MTCL1: variants seen among roughly 807,000 people sequenced by gnomAD.
MTCL1 encodes the protein microtubule crosslinking factor 1.
A neutral mutation model predicts 141.4 loss-of-function variants in MTCL1; 79 were observed. The ratio of observed to expected loss-of-function variants is 0.56; its 90% CI spans 0.47 to 0.67. The LOEUF (loss-of-function observed/expected upper bound fraction) is 0.67. Among genes scored for constraint, MTCL1 ranks in the 30% least tolerant of loss-of-function variants. The pLI is 0.00. For synonymous variants in MTCL1, 914 were observed against 875.8 expected, an observed-to-expected ratio of 1.04 and a Z score of -0.77; for missense variants, 2,177 against 2,113.9, an observed-to-expected ratio of 1.03 and a Z score of -0.59.
At chr18:8,736,052 CCTT>C (rs1316183832) in intron 4 of MTCL1, among the ~76,000 whole-genome samples, 1 of 152,076 alleles carries the variant, frequency 6.6e-6, no homozygotes, top group African/African-American at 2.4e-5. Flanking sequence ...ATAATTAAGT[CCTT>C]CTCCTCACTT....
chr18:8,735,540 G>C (rs536158143), intron 4 of MTCL1, among the ~76,000 whole-genome samples: 1 of 152,238 alleles, frequency 6.6e-6, no homozygotes, highest in South Asian at 2.1e-4. Context: ...GCTGCTCTAG[G>C]GGTGGTAGAA....
rs142017192 is a variant in MTCL1 at position 8,786,573 on chromosome 18, C to G, written c.1887+482C>G. 4.7e-3 allele frequency: 1,677 copies of G among 357,636 alleles called. 13 individuals carry two copies. Among genetic ancestry groups the G allele is most frequent in the South Asian group, 0.015 (710 of 47,762 alleles). 22.2% of individuals were successfully genotyped at this position (357,636 alleles called of 1,614,324 possible). A position where few individuals can be genotyped will look rare whatever the true frequency, so the allele number is the denominator to read the frequency against. On this transcript the variant is annotated intron_variant, in intron 7 of 16. Transcript: ENST00000359865. ...GTTGGTAGAATCAGGGAGGCTCGCT[C>G]CTGACCTGTGGGCACCCCTAGCAGT... is the stretch of plus-strand genomic sequence containing the variant.
At position 8,752,962 on chromosome 18, in the gene MTCL1, C is replaced by T. The variant is rs539425875; in HGVS notation, c.358-24871C>T. ...CAAACAGGCAAATGCGTGGAGACGT[C>T]GCCGTATCGAACATGGCCATCCTGA... On this transcript the variant is annotated intron_variant, in intron 4 of 16. Transcript: ENST00000359865. Among the ~76,000 whole-genome samples, 34 of 152,238 alleles carry T rather than the reference C, an allele frequency of 2.2e-4. 1 individual carries two copies. In the South Asian group the frequency reaches 6.4e-3, roughly 29 times the overall value.
At chr18:8,824,541 T>C (rs1209638360) in intron 14 of MTCL1, among the ~76,000 whole-genome samples, 158 bp from the exon 14 acceptor site, 1 of 152,212 alleles carries the variant, frequency 6.6e-6, no homozygotes, top group East Asian at 1.9e-4. Context: ...GCAGGGTAAG[T>C]CTGTGAGTGC....
chr18:8,740,181 G>A lies in MTCL1; in HGVS notation c.357+19685G>A, dbSNP rs572032609. On this transcript the variant is annotated intron_variant, in intron 4 of 16. Coordinates refer to ENST00000359865, the Ensembl canonical transcript of MTCL1. ...TTGGAGGCAGGCATCATAGTAATTG[G>A]TTAGTCAAGAAATAGTCGTATATTG... 5.9e-5 allele frequency among the ~76,000 whole-genome samples: 9 copies of A among 152,340 alleles called. No individual in the cohort carries two copies. The East Asian group carries it at 1.7e-3, about 29-fold the overall frequency.
intron 4 of MTCL1, among the ~76,000 whole-genome samples, chr18:8,764,542 T>C (rs750563959): frequency 2.0e-5 from 3 of 152,162 alleles, no homozygotes; most frequent in Non-Finnish European, 4.4e-5. Flanking sequence ...GGTCTCGAAC[T>C]CTTGACCTCA....
chr18:8,747,344 C>T (rs2096344488), intron 4 of MTCL1, among the ~76,000 whole-genome samples: 1 of 151,984 alleles, frequency 6.6e-6, no homozygotes, highest in African/African-American at 2.4e-5. Flanking sequence ...TGGTGCTTTG[C>T]TCCCTGGCCT....
exon 1 of MTCL1, chr18:8,706,500 C>A: frequency 7.7e-7 from 1 of 1,300,622 alleles, no homozygotes; most frequent in Non-Finnish European, 9.7e-7. Flanking sequence ...GCGCCTGTCC[C>A]GGGGGCCGGA....
chr18:8,829,486 T>C, intron 16 of MTCL1: 1 of 947,194 alleles, frequency 1.1e-6, no homozygotes, highest in Non-Finnish European at 1.3e-6. Context: ...GCACCGTGGG[T>C]GACAGAGTAA....
In MTCL1 at chr18:8,818,335, C is replaced by T. The variant is rs987393400; in HGVS notation, c.2860-628C>T. Among the ~76,000 whole-genome samples, 4 of 151,800 alleles carry T rather than the reference C, an allele frequency of 2.6e-5. No homozygotes were observed. In the South Asian group the frequency reaches 6.2e-4, roughly 24 times the overall value. On this transcript the variant is annotated intron_variant, in intron 12 of 16. Coordinates refer to ENST00000359865, the Ensembl canonical transcript of MTCL1. ...GTCAGGGAAAAAAGTATGACTCTAA[C>T]GTAATGTGGCTTTTTTTTTTTCTTC... is the stretch of plus-strand genomic sequence containing the variant.
chr18:8,824,852 G>C (rs1875458282), exon 15 of MTCL1: 8 of 1,614,094 alleles, frequency 5.0e-6, no homozygotes, highest in Non-Finnish European at 5.9e-6. Flanking sequence ...AGTTCAACAA[G>C]AGCTGGGACT....
At chr18:8,764,440 C>T (rs2096449259) in intron 4 of MTCL1, among the ~76,000 whole-genome samples, 2 of 152,014 alleles carry the variant, frequency 1.3e-5, no homozygotes, top group South Asian at 4.2e-4. Context: ...GCCTCAGCCT[C>T]CCAAGTAGCT....
intron 8 of MTCL1, among the ~76,000 whole-genome samples, chr18:8,793,630 G>A (rs968444652): frequency 6.6e-6 from 1 of 152,172 alleles, no homozygotes; most frequent in Admixed American, 6.5e-5. Context: ...GTTCCGAGTA[G>A]AAGGGATTTG....
In MTCL1 at chr18:8,822,359, A is replaced by T. The variant is rs1448371869; in HGVS notation, c.3188+861A>T. Among the ~76,000 whole-genome samples, 1 of 152,082 alleles carries T rather than the reference A, an allele frequency of 6.6e-6. No homozygotes were observed. The highest frequency in any genetic ancestry group is 1.9e-4 in the East Asian group (1 of 5,174). On this transcript the variant is annotated intron_variant, in intron 14 of 16. Coordinates refer to ENST00000359865, the Ensembl canonical transcript of MTCL1. The surrounding 1 kb of genome is among the most constrained non-coding windows in gnomAD (Gnocchi z 4.6). ...TCCCAGGCTGGAGTACAGTGGCACA[A>T]TCTTGGCTCACTGCAACCTCTGCCC...
At chr18:8,708,839 G>C (rs952176973) in intron 1 of MTCL1, among the ~76,000 whole-genome samples, 3 of 152,200 alleles carry the variant, frequency 2.0e-5, no homozygotes, top group African/African-American at 7.2e-5. Context: ...GGTGTCACTT[G>C]CATCCGTTTA....
intron 11 of MTCL1, among the ~76,000 whole-genome samples, 160 bp downstream of exon 10, chr18:8,807,220 C>T (rs1346801959): frequency 2.0e-5 from 3 of 152,110 alleles, no homozygotes; most frequent in African/African-American, 7.2e-5. Context: ...AGTGCAGAGT[C>T]CCCATTTTCC....
intron 5 of MTCL1, 188 bp downstream of exon 4, chr18:8,778,080 C>G: frequency 2.0e-6 from 1 of 498,144 alleles, no homozygotes; most frequent in East Asian, 3.2e-5. Context: ...GCTCCTCCCT[C>G]TTGTTTCTCC....
At chr18:8,768,051 A>T (rs2096467427) in intron 4 of MTCL1, among the ~76,000 whole-genome samples, 1 of 152,224 alleles carries the variant, frequency 6.6e-6, no homozygotes, top group Non-Finnish European at 1.5e-5. Flanking sequence ...TTTTAGTGCA[A>T]ATGAAAATTT....
rs775418532 is a variant in MTCL1 at position 8,785,754 on chromosome 18, C to T, written c.1732-182C>T. 250 of 697,092 alleles carry T rather than the reference C, an allele frequency of 3.6e-4. 1 individual carries two copies. The highest frequency in any genetic ancestry group is 5.6e-4 in the Non-Finnish European group (236 of 419,292). 43.2% of individuals were successfully genotyped at this position (697,092 alleles called of 1,614,324 possible). A position where few individuals can be genotyped will look rare whatever the true frequency, so the allele number is the denominator to read the frequency against. ...CTGTTTTCTTCACTTTCTTACACCA[C>T]TGTCTTTAAGCCTGTGTTTCTGTTC... On this transcript the variant is annotated intron_variant, in intron 6 of 16. Coordinates refer to ENST00000359865, the Ensembl canonical transcript of MTCL1.
Sources: gnomAD v4.1 joint callset for allele counts (sites outside exome capture counted in the v4.1 genomes callset) on GRCh38, gnomAD v4.1.1 for gene constraint, Gnocchi (gnomAD v3.1) non-coding constraint, MANE v1.5 for transcripts, NCBI Gene and HGNC (gene_info 2026-07-23, HGNC 2026-07-21) for gene names.